DACH1: variants seen among roughly 807,000 people sequenced by gnomAD.
The protein encoded by DACH1 is dachshund family transcription factor 1, also known as dachshund homolog 1.
Under a neutral mutation model 54.2 loss-of-function variants are expected in DACH1, and 12 were observed. The observed-to-expected ratio is 0.22, with a 90% confidence interval of 0.14 to 0.36. The LOEUF is 0.36. Among genes scored for constraint, DACH1 ranks in the 10% least tolerant of loss-of-function variants. The probability of loss-of-function intolerance (pLI) is 1.00; values close to 1 mark genes in which losing one functional copy is unlikely to be tolerated. For missense variants in DACH1, 805 were observed against 929.8 expected, an observed-to-expected ratio of 0.87 and a Z score of 1.75; for synonymous variants, 386 against 366.2, an observed-to-expected ratio of 1.05 and a Z score of -0.62.
Position 71,572,952 on chromosome 13 carries a change from G to A in DACH1, c.1187C>T (p.Ala396Val). 6.2e-7 allele frequency: 1 copy of A among 1,614,140 alleles called. No homozygotes were observed. Among genetic ancestry groups the A allele is most frequent in the Non-Finnish European group, 8.5e-7 (1 of 1,180,008 alleles). Residue 396 changes from alanine (A) to valine (V), a missense_variant, in exon 4 of 11, where the codon GCA becomes GTA. This residue lies in a region of DACH1 where 472 missense variants were observed against 545.3 expected (regional missense o/e 0.87). Transcript: ENST00000613252. Reference sequence around the variant, plus strand: ...CTGGCTCATTGCCATGGTGACAGATGCTGGAGGTAGGCTGACAGGAATTAG... The same window carrying A: ...CTGGCTCATTGCCATGGTGACAGATACTGGAGGTAGGCTGACAGGAATTAG... ...HPLIPVSLPP[A>V]SVTMAMSQMN...
At chr13:71,830,241 T>G (rs536659671) in intron 1 of DACH1, among the ~76,000 whole-genome samples, 1 of 151,866 alleles carries the variant, frequency 6.6e-6, no homozygotes, top group Non-Finnish European at 1.5e-5. Context: ...AAAATTCTTA[T>G]GATAGCCAAT....
At chr13:71,584,826 G>A (rs1316593658) in intron 3 of DACH1, among the ~76,000 whole-genome samples, 1 of 151,948 alleles carries the variant, frequency 6.6e-6, no homozygotes, top group East Asian at 1.9e-4. Flanking sequence ...GGAAATCTTA[G>A]GGAGGCAAGA....
intron 4 of DACH1, among the ~76,000 whole-genome samples, chr13:71,571,819 T>A (rs966842113): frequency 4.8e-5 from 7 of 145,892 alleles, no homozygotes; most frequent in African/African-American, 1.8e-4. Flanking sequence ...CAATGCAAGC[T>A]CCGCCTCCTG....
chr13:71,714,199 T>C (rs1882868333), intron 1 of DACH1, among the ~76,000 whole-genome samples: 1 of 151,952 alleles, frequency 6.6e-6, no homozygotes, highest in Admixed American at 6.6e-5. Flanking sequence ...AATAGGAGAG[T>C]TGGATCATGT....
intron 1 of DACH1, among the ~76,000 whole-genome samples, chr13:71,804,207 G>A (rs1887398962): frequency 6.6e-6 from 1 of 152,008 alleles, no homozygotes; most frequent in Non-Finnish European, 1.5e-5. Context: ...TAGGTACTTG[G>A]GAGACTAAGG....
chr13:71,792,769 C>T (rs541899301), intron 1 of DACH1, among the ~76,000 whole-genome samples: 2 of 152,222 alleles, frequency 1.3e-5, no homozygotes, highest in East Asian at 1.9e-4. Flanking sequence ...TTTGTAGACA[C>T]TAAGTTCTTT....
At chr13:71,504,940 T>A (rs1880193911) in intron 6 of DACH1, among the ~76,000 whole-genome samples, 1 of 152,192 alleles carries the variant, frequency 6.6e-6, no homozygotes, top group Non-Finnish European at 1.5e-5. Context: ...GTAGGATGAA[T>A]CAATACATTA....
At chr13:71,525,798 G>C (rs1358510128) in intron 6 of DACH1, among the ~76,000 whole-genome samples, 1 of 152,064 alleles carries the variant, frequency 6.6e-6, no homozygotes, top group African/African-American at 2.4e-5. Context: ...TTGGAATGAA[G>C]CTTAAAGATT....
At chr13:71,448,000 A>C (rs1420958029) in intron 10 of DACH1, among the ~76,000 whole-genome samples, 2 of 152,224 alleles carry the variant, frequency 1.3e-5, no homozygotes, top group Admixed American at 6.5e-5. Flanking sequence ...TTTCTATTCC[A>C]GTTTTGGGAA....
intron 2 of DACH1, among the ~76,000 whole-genome samples, chr13:71,656,248 C>T (rs925093646): frequency 6.6e-6 from 1 of 152,166 alleles, no homozygotes; most frequent in African/African-American, 2.4e-5. Flanking sequence ...ATTCCCTGTT[C>T]ATTCTGCATT....
intron 3 of DACH1, among the ~76,000 whole-genome samples, chr13:71,576,362 T>C (rs142409351): frequency 9.5e-4 from 145 of 152,292 alleles, no homozygotes; most frequent in Middle Eastern, 3.4e-3. Flanking sequence ...AATTCAAATA[T>C]GTAAGGAGTA....
At chr13:71,524,889 G>A (rs532709282) in intron 6 of DACH1, among the ~76,000 whole-genome samples, 2 of 152,222 alleles carry the variant, frequency 1.3e-5, no homozygotes, top group South Asian at 4.1e-4. Context: ...TACAGTCACT[G>A]GTCCGTGTTT....
At chr13:71,535,574 T>A (rs962002391) in intron 6 of DACH1, among the ~76,000 whole-genome samples, 6 of 151,966 alleles carry the variant, frequency 3.9e-5, no homozygotes, top group African/African-American at 1.4e-4. Flanking sequence ...TAAAAAAGGT[T>A]TAAATAAAGT....
Position 71,596,039 on chromosome 13 carries a change from C to T in DACH1, c.1127-23027G>A, listed in dbSNP as rs192940744. ...TAAAGTGATGTCCCATACTAAACTC[C>T]TACTTGAATCACCATTTTGAAGGGT... On this transcript the variant is annotated intron_variant, in intron 3 of 10. Coordinates refer to ENST00000613252, the MANE Select transcript of DACH1 (RefSeq NM_080759.6). Among the ~76,000 whole-genome samples, 22 of 152,030 alleles carry T rather than the reference C, an allele frequency of 1.4e-4. No homozygotes were observed. The East Asian group carries it at 4.0e-3, about 28-fold the overall frequency.
chr13:71,713,457 C>T (rs1359437614), intron 1 of DACH1, among the ~76,000 whole-genome samples: 1 of 152,016 alleles, frequency 6.6e-6, no homozygotes, highest in Admixed American at 6.6e-5. Context: ...GCAGATAAGG[C>T]CTAATCCCAC....
At chr13:71,827,889 G>T (rs1380787721) in intron 1 of DACH1, among the ~76,000 whole-genome samples, 1 of 152,012 alleles carries the variant, frequency 6.6e-6, no homozygotes, top group African/African-American at 2.4e-5. Context: ...ACCAGCGACT[G>T]AATTTCAGAG....
chr13:71,613,779 A>G (rs991189990), intron 3 of DACH1, among the ~76,000 whole-genome samples: 1 of 152,168 alleles, frequency 6.6e-6, no homozygotes, highest in African/African-American at 2.4e-5. Flanking sequence ...TGGTGTGATC[A>G]TGGCTCACTG....
At chr13:71,722,256 A>G (rs1156817402) in intron 1 of DACH1, among the ~76,000 whole-genome samples, 2 of 152,166 alleles carry the variant, frequency 1.3e-5, no homozygotes, top group African/African-American at 4.8e-5. Context: ...CTCCATATTG[A>G]CATTTGTTGA....
At chr13:71,865,793 A>C in intron 1 of DACH1, 129 bp downstream of exon 1, 13 of 1,292,568 alleles carry the variant, frequency 1.0e-5, no homozygotes, top group Non-Finnish European at 1.2e-5. Flanking sequence ...GGGAGAGGAG[A>C]GGGCCGCGCT....
Sources: allele counts gnomAD v4.1 joint callset (sites outside exome capture counted in the v4.1 genomes callset), GRCh38; gene constraint gnomAD v4.1.1; regional missense constraint gnomAD v4.1.1; transcripts MANE v1.5; gene names NCBI Gene and HGNC (gene_info 2026-07-23, HGNC 2026-07-21).